ME3: variants seen among roughly 807,000 people sequenced by gnomAD.
ME3 encodes NADP-dependent malic enzyme, mitochondrial.
ME3 carries 48 observed loss-of-function variants against 68.9 expected under a neutral mutation model. The ratio of observed to expected loss-of-function variants is 0.70; its 90% confidence interval spans 0.55 to 0.89. The LOEUF (loss-of-function observed/expected upper bound fraction) is 0.89. Ranked by LOEUF, ME3 falls within the 40% of genes least tolerant of loss-of-function variation. ME3 has a pLI of 0.00. For missense variants in ME3, 675 were observed against 797.4 expected (o/e 0.85, Z 1.85); for synonymous variants, 320 against 318.8 (o/e 1.00, Z -0.04).
intron 2 of ME3, among the ~76,000 whole-genome samples, chr11:86,560,746 G>A (rs868094628): frequency 0.018 from 1,579 of 89,402 alleles, 13 homozygotes; most frequent in Middle Eastern, 0.051. Context: ...GTGTGTGTGT[G>A]TGTATATATA....
intron 5 of ME3, among the ~76,000 whole-genome samples, chr11:86,503,051 T>C (rs976364347): frequency 1.3e-5 from 2 of 152,164 alleles, no homozygotes; most frequent in African/African-American, 2.4e-5. Flanking sequence ...CCTCCTCCTC[T>C]TCTTCTGCTT....
intron 4 of ME3, among the ~76,000 whole-genome samples, chr11:86,534,727 A>G (rs1465101491): frequency 6.6e-6 from 1 of 152,148 alleles, no homozygotes; most frequent in East Asian, 1.9e-4. Flanking sequence ...ACGCTGCACA[A>G]CTGTGCAAAT....
intron 7 of ME3, among the ~76,000 whole-genome samples, chr11:86,480,654 T>C (rs1163777848): frequency 6.6e-6 from 1 of 152,192 alleles, no homozygotes; most frequent in Non-Finnish European, 1.5e-5. Flanking sequence ...TTGCCCACGA[T>C]GTGTCTTTGG....
intron 8 of ME3, chr11:86,457,646 C>G: frequency 7.8e-7 from 1 of 1,281,842 alleles, no homozygotes. Flanking sequence ...GGAAAGGAAG[C>G]TACTTAGCTG....
At chr11:86,437,483 G>A (rs1948904357), downstream of ME3, among the ~76,000 whole-genome samples, 1 of 152,012 alleles carries the variant, frequency 6.6e-6, no homozygotes. Flanking sequence ...TTTAGAATCA[G>A]CCTGTAAGTT....
At chr11:86,447,878 CAGAGAGAA>C (rs1949409569) in intron 11 of ME3, among the ~76,000 whole-genome samples, 1 of 128,610 alleles carries the variant, frequency 7.8e-6, no homozygotes, top group Admixed American at 7.8e-5. Flanking sequence ...AAAAAAAAGA[CAGAGAGAA>C]AGAGAGAGAG....
At chr11:86,446,737 C>A (rs759851431) in intron 12 of ME3, among the ~76,000 whole-genome samples, 1 of 152,200 alleles carries the variant, frequency 6.6e-6, no homozygotes, top group African/African-American at 2.4e-5. Context: ...TTGTCACCTC[C>A]TGGTGGGGCC....
In ME3 at chr11:86,521,431, A is replaced by ATAATAATAATAATAAT. The variant is rs1555221577; in HGVS notation, c.468-12565_468-12564insATTATTATTATTATTA. Among the ~76,000 whole-genome samples the ATAATAATAATAATAAT allele has an allele frequency of 9.9e-3, 1,437 of 145,852 alleles. 14 individuals are homozygous for ATAATAATAATAATAAT. Among genetic ancestry groups the ATAATAATAATAATAAT allele is most frequent in the Non-Finnish European group, 0.012 (817 of 66,664 alleles). ...AACAAAACAAAACAAAACAAAACAA[A>ATAATAATAATAATAAT]AATAATAATAATAATAATAATAAAA... On this transcript the variant is annotated intron_variant, in intron 4 of 14. Transcript: ENST00000543262.
chr11:86,488,844 T>G (rs931075106), intron 6 of ME3, among the ~76,000 whole-genome samples: 5 of 151,992 alleles, frequency 3.3e-5, no homozygotes, highest in African/African-American at 7.3e-5. Flanking sequence ...CAGGGCAGAG[T>G]GACGCTGGTT....
At chr11:86,564,799 C>G (rs79203049) in intron 2 of ME3, among the ~76,000 whole-genome samples, 4,396 of 152,118 alleles carry the variant, frequency 0.029, 200 homozygotes, top group African/African-American at 0.1. Context: ...AGATTCTTAG[C>G]TATGACACCA....
intron 2 of ME3, among the ~76,000 whole-genome samples, chr11:86,640,769 C>T (rs1417809382): frequency 6.6e-6 from 1 of 152,204 alleles, no homozygotes; most frequent in Non-Finnish European, 1.5e-5. Context: ...CAGTATCCAA[C>T]TCCTGGCCTC....
At chr11:86,600,405 T>C (rs1372700231) in intron 2 of ME3, among the ~76,000 whole-genome samples, 1 of 152,086 alleles carries the variant, frequency 6.6e-6, no homozygotes, top group Non-Finnish European at 1.5e-5. Context: ...GAGCTAAATA[T>C]CCTAAATATA....
intron 13 of ME3, 137 bp downstream of exon 13, chr11:86,446,177 T>C: frequency 1.2e-5 from 12 of 982,692 alleles, no homozygotes; most frequent in Non-Finnish European, 1.8e-5. Context: ...GAGAGATGCT[T>C]GAGGTTTAAG....
chr11:86,474,477 G>A (rs1234511979), intron 7 of ME3, among the ~76,000 whole-genome samples: 1 of 152,100 alleles, frequency 6.6e-6, no homozygotes, highest in Non-Finnish European at 1.5e-5. Context: ...CCTCCCAAAG[G>A]TCAGTGGCAA....
In ME3 at chr11:86,482,722, C is replaced by T. The variant is rs142734986; in HGVS notation, c.809+4615G>A. Among the ~76,000 whole-genome samples the T allele has an allele frequency of 2.9e-3, 436 of 151,876 alleles. 1 individual carries two copies. Among genetic ancestry groups the T allele is most frequent in the Middle Eastern group, 0.01 (3 of 294 alleles). ...AGGAGCCCTAGACTATCATGTAAAA[C>T]GTTCAGCTATCCTGTGAAGAGAAGA... is the stretch of plus-strand genomic sequence containing the variant. On this transcript the variant is annotated intron_variant, in intron 7 of 14. Transcript: ENST00000543262.
At chr11:86,582,201 AT>A (rs1225487193) in intron 2 of ME3, among the ~76,000 whole-genome samples, 1 of 152,238 alleles carries the variant, frequency 6.6e-6, no homozygotes, top group Non-Finnish European at 1.5e-5. Context: ...AGAAGCAGGC[AT>A]TTTCATACCT....
At chr11:86,647,095 A>G (rs1415571432) in intron 2 of ME3, among the ~76,000 whole-genome samples, 3 of 152,346 alleles carry the variant, frequency 2.0e-5, no homozygotes, top group Admixed American at 6.5e-5. Flanking sequence ...CACTGCAAAA[A>G]CGTATCAAAA....
At chr11:86,548,964 G>A (rs1001638415) in intron 4 of ME3, among the ~76,000 whole-genome samples, 1 of 152,148 alleles carries the variant, frequency 6.6e-6, no homozygotes, top group Non-Finnish European at 1.5e-5. Context: ...TCAAAGTGTG[G>A]TCCCTGGCCA....
intron 2 of ME3, among the ~76,000 whole-genome samples, chr11:86,652,758 T>A (rs1450752040): frequency 6.6e-6 from 1 of 152,066 alleles, no homozygotes; most frequent in African/African-American, 2.4e-5. Context: ...CAACCTTAAA[T>A]GTAAATGGGC....
Sources: gnomAD v4.1 joint callset for allele counts (sites outside exome capture counted in the v4.1 genomes callset) on GRCh38, gnomAD v4.1.1 for gene constraint, MANE v1.5 for transcripts, NCBI Gene and HGNC (gene_info 2026-07-23, HGNC 2026-07-21) for gene names.